Variants in STK32C observed in about 807,000 individuals in gnomAD.
STK32C encodes serine/threonine-protein kinase 32C.
Under a neutral mutation model 56.5 loss-of-function variants are expected in STK32C, and 31 were observed. That is an observed-to-expected ratio of 0.55 (90% CI 0.41 to 0.74). STK32C has a LOEUF of 0.74. Ranked by LOEUF, STK32C falls within the 30% of genes least tolerant of loss-of-function variation. The pLI is 0.00. For missense variants in STK32C, 544 were observed against 676.9 expected (o/e 0.80, Z 2.18); for synonymous variants, 309 against 289.4 (o/e 1.07, Z -0.69).
chr10:132,326,463 T>C (rs968626763), intron 1 of STK32C, among the ~76,000 whole-genome samples: 2 of 152,096 alleles, frequency 1.3e-5, no homozygotes, highest in Non-Finnish European at 2.9e-5. Context: ...TCCCAGGTGG[T>C]TGGAATTATG....
intron 1 of STK32C, among the ~76,000 whole-genome samples, chr10:132,273,316 C>A (rs1353334210): frequency 1.3e-5 from 2 of 152,032 alleles, no homozygotes; most frequent in African/African-American, 4.8e-5. Context: ...GGCTCTAAGT[C>A]CCTGCAGCTC....
chr10:132,273,768 G>A (rs2138177126), intron 1 of STK32C, among the ~76,000 whole-genome samples: 1 of 152,256 alleles, frequency 6.6e-6, no homozygotes, highest in Middle Eastern at 3.4e-3. Context: ...GTGAGTGAAT[G>A]AACACATGGT....
At chr10:132,292,442 TCATC>T (rs1385322115) in intron 1 of STK32C, among the ~76,000 whole-genome samples, 1 of 152,208 alleles carries the variant, frequency 6.6e-6, no homozygotes, top group Non-Finnish European at 1.5e-5. Context: ...TCTGACGGAT[TCATC>T]CACACACTCA....
chr10:132,304,692 A>G (rs577012519), intron 1 of STK32C, among the ~76,000 whole-genome samples: 5 of 152,372 alleles, frequency 3.3e-5, no homozygotes, highest in African/African-American at 9.6e-5. Context: ...AAATGCATAC[A>G]TTTTAATGCT....
intron 1 of STK32C, among the ~76,000 whole-genome samples, chr10:132,264,055 G>C (rs1378409512): frequency 2.6e-5 from 4 of 152,210 alleles, no homozygotes; most frequent in Admixed American, 6.5e-5. Context: ...ACAGAAGGCA[G>C]TGTGGTGGCT....
At chr10:132,315,310 C>T (rs2066291528) in intron 1 of STK32C, among the ~76,000 whole-genome samples, 1 of 151,952 alleles carries the variant, frequency 6.6e-6, no homozygotes, top group Non-Finnish European at 1.5e-5. Flanking sequence ...CACACTAAGG[C>T]CTGCTGGGGG....
intron 2 of STK32C, among the ~76,000 whole-genome samples, chr10:132,238,824 G>A (rs776998709): frequency 6.6e-6 from 1 of 152,112 alleles, no homozygotes; most frequent in Non-Finnish European, 1.5e-5. Flanking sequence ...ACACACAGAG[G>A]CATGCACACA....
intron 2 of STK32C, among the ~76,000 whole-genome samples, chr10:132,238,316 G>C (rs970871306): frequency 3.9e-5 from 6 of 152,334 alleles, no homozygotes; most frequent in African/African-American, 1.4e-4. Flanking sequence ...AGGTGGGTGA[G>C]ATCAGGAGAT....
chr10:132,323,044 A>G (rs1389988509), downstream of STK32C, among the ~76,000 whole-genome samples: 1 of 152,140 alleles, frequency 6.6e-6, no homozygotes, highest in African/African-American at 2.4e-5. The surrounding 1 kb of genome is among the most constrained non-coding windows in gnomAD (Gnocchi z 4.8). Flanking sequence ...TCCCTGGTCT[A>G]AGTGCTGCCC....
intron 1 of STK32C, among the ~76,000 whole-genome samples, chr10:132,278,336 C>A (rs962489742): frequency 6.6e-6 from 1 of 151,684 alleles, no homozygotes; most frequent in Non-Finnish European, 1.5e-5. Flanking sequence ...AATCCTGCAG[C>A]AAGAGAGGCC....
Position 132,222,232 on chromosome 10 carries a change from ACAC to A in STK32C, c.1251+406_1251+408del, listed in dbSNP as rs369522230. 8.0e-4 allele frequency among the ~76,000 whole-genome samples: 117 copies of A among 146,402 alleles called. 2 individuals are homozygous for A. In the South Asian group the frequency reaches 0.026, roughly 33 times the overall value. ...GGGCTTCACATGGCCGTCCCCACACACACAACTGATGCCGACGCACCTGGGTGA... is the reference window on the plus strand; with the variant it reads ...GGGCTTCACATGGCCGTCCCCACACAAACTGATGCCGACGCACCTGGGTGA... On this transcript the variant is annotated intron_variant, in intron 10 of 11. Transcript: ENST00000298630.
At chr10:132,231,173 G>A (rs2063087522) in intron 2 of STK32C, among the ~76,000 whole-genome samples, 1 of 152,226 alleles carries the variant, frequency 6.6e-6, no homozygotes, top group Non-Finnish European at 1.5e-5. Flanking sequence ...CCAGGGAGCA[G>A]GGACAGAAGA....
downstream of STK32C, among the ~76,000 whole-genome samples, chr10:132,322,936 G>A (rs995320365): frequency 1.3e-5 from 2 of 152,162 alleles, no homozygotes; most frequent in Non-Finnish European, 2.9e-5. Flanking sequence ...CTCAATCCCA[G>A]AGTGTTCTTA....
chr10:132,326,717 C>T (rs920127353), intron 1 of STK32C, among the ~76,000 whole-genome samples: 18 of 152,028 alleles, frequency 1.2e-4, no homozygotes, highest in African/African-American at 2.9e-4. Context: ...CTGCTGGTCA[C>T]GGTCTGAACT....
At chr10:132,254,473 C>T (rs1459556087) in intron 1 of STK32C, among the ~76,000 whole-genome samples, 2 of 150,672 alleles carry the variant, frequency 1.3e-5, no homozygotes, top group Admixed American at 6.6e-5. Context: ...CGGCACAATG[C>T]GTGCACCCTC....
intron 1 of STK32C, among the ~76,000 whole-genome samples, chr10:132,300,748 T>A (rs894230471): frequency 5.3e-5 from 8 of 152,062 alleles, no homozygotes; most frequent in Non-Finnish European, 1.0e-4. Context: ...GGCACAGAGA[T>A]ACCACCCCGG....
intron 2 of STK32C, among the ~76,000 whole-genome samples, chr10:132,241,519 A>G (rs146144174): frequency 4.0e-4 from 61 of 152,374 alleles, no homozygotes; most frequent in African/African-American, 1.3e-3. Context: ...AGACCCCTAG[A>G]TGGGTAAGAT....
chr10:132,209,638 C>A (rs1204939014), intron 10 of STK32C, among the ~76,000 whole-genome samples: 1 of 150,096 alleles, frequency 6.7e-6, no homozygotes, highest in Non-Finnish European at 1.5e-5. Context: ...TTCCTTCAGG[C>A]AGCAGGACCA....
At chr10:132,274,769 C>T (rs1033370338) in intron 1 of STK32C, among the ~76,000 whole-genome samples, 2 of 152,212 alleles carry the variant, frequency 1.3e-5, no homozygotes, top group African/African-American at 4.8e-5. Context: ...AAAGCCTCCT[C>T]GGCAGTCGGC....
Sources: allele counts gnomAD v4.1 joint callset (sites outside exome capture counted in the v4.1 genomes callset), GRCh38; gene constraint gnomAD v4.1.1; non-coding constraint Gnocchi (gnomAD v3.1); transcripts MANE v1.5; gene names NCBI Gene and HGNC (gene_info 2026-07-23, HGNC 2026-07-21).